The following FOXF1 variants were observed in gnomAD, a reference collection of about 807,000 sequenced individuals.
FOXF1 encodes forkhead box F1.
In FOXF1, 9 loss-of-function variants were observed where a neutral mutation model predicts 26.6. The ratio of observed to expected loss-of-function variants is 0.34; its 90% CI spans 0.20 to 0.59. The LOEUF is 0.59. Ranked by LOEUF, FOXF1 falls within the 20% of genes least tolerant of loss-of-function variation. The pLI is 0.83. For synonymous variants in FOXF1, 330 were observed against 257.7 expected, an observed-to-expected ratio of 1.28 and a Z score of -2.69; for missense variants, 499 against 549.9, an observed-to-expected ratio of 0.91 and a Z score of 0.93.
In FOXF1 at chr16:86,511,331, T is replaced by C. The variant is rs1404508857; in HGVS notation, c.762T>C (p.Gly254=). ...PASPLLPTGA[G]GVMEPHAVYS... ...CCCCGCTGCTGCCCACCGGCGCCGG[T>C]GGGGTCATGGAGCCGCACGCCGTCT... is the stretch of plus-strand genomic sequence containing the variant. The change falls in exon 1 of 2, where the codon GGT becomes GGC. Residue 254 remains glycine (G), a synonymous_variant. Coordinates refer to ENST00000262426, the MANE Select transcript of FOXF1 (RefSeq NM_001451.3). The C allele has an allele frequency of 9.2e-6, 14 of 1,526,304 alleles. No homozygotes were observed. Among genetic ancestry groups the C allele is most frequent in the Non-Finnish European group, 1.1e-5 (13 of 1,145,120 alleles). 94.5% of individuals were successfully genotyped at this position (1,526,304 alleles called of 1,614,324 possible). A position where few individuals can be genotyped will look rare whatever the true frequency, so the allele number is the denominator to read the frequency against.
At position 86,512,906 on chromosome 16, in the gene FOXF1, C is replaced by G. The variant is rs1227140852; in HGVS notation, c.980-19C>G. The G allele has an allele frequency of 2.5e-6, 4 of 1,613,760 alleles. No individual in the cohort carries two copies. The highest frequency in any genetic ancestry group is 3.4e-6 in the Non-Finnish European group (4 of 1,180,010). ...AACTCTTCTGCTCCCCCAACCCCTC[C>G]TGTCGCCTCGCCTTGCAGGCATCCC... On this transcript the variant is annotated intron_variant, in intron 1 of 1. Transcript: ENST00000262426.
At chr16:86,511,995 G>A (rs975258400) in intron 1 of FOXF1, among the ~76,000 whole-genome samples, 1 of 152,234 alleles carries the variant, frequency 6.6e-6, no homozygotes, top group Non-Finnish European at 1.5e-5. Context: ...TGGGCGGAAC[G>A]GAAGGTGTTA....
rs146368585 is a variant in FOXF1 at position 86,512,171 on chromosome 16, C to T, written c.979+623C>T. On this transcript the variant is annotated intron_variant, in intron 1 of 1. Transcript: ENST00000262426. ...AGAGCTGCAGACCGGGCCATGGGGG[C>T]TCCTTGTTTTTTAGGATCCAAGTTT... Among the ~76,000 whole-genome samples the T allele has an allele frequency of 4.4e-3, 664 of 152,330 alleles. 3 individuals carry two copies. The highest frequency in any genetic ancestry group is 0.015 in the African/African-American group (618 of 41,578).
chr16:86,511,850 C>T lies in FOXF1; in HGVS notation c.979+302C>T, dbSNP rs2078304. Among the ~76,000 whole-genome samples, 7,088 of 152,132 alleles carry T rather than the reference C, an allele frequency of 0.047. 274 individuals carry two copies. The highest frequency in any genetic ancestry group is 0.091 in the African/African-American group (3,767 of 41,514). On this transcript the variant is annotated intron_variant, in intron 1 of 1. Coordinates refer to ENST00000262426, the MANE Select transcript of FOXF1 (RefSeq NM_001451.3). ...GTCCCAGACCCCAGTGCCCTAAGTCCTTTTGTGTCCCTTAAGTCCCCTCAC... is the reference window on the plus strand; with the variant it reads ...GTCCCAGACCCCAGTGCCCTAAGTCTTTTTGTGTCCCTTAAGTCCCCTCAC...
In FOXF1 at chr16:86,514,184, T is replaced by C. The variant is rs1224300137; in HGVS notation, c.*1099T>C. ...ATTGTAAATTTGAAACAAAGACCGA[T>C]CTGTGTAAAAACAAATTTCCATATG... On this transcript the variant is annotated 3_prime_UTR_variant, in exon 2 of 2. Coordinates refer to ENST00000262426, the MANE Select transcript of FOXF1 (RefSeq NM_001451.3). 6.6e-6 allele frequency: 1 copy of C among 152,062 alleles called. No individual in the cohort carries two copies. The highest frequency in any genetic ancestry group is 1.9e-4 in the East Asian group (1 of 5,184). The allele number at this position is 152,062 out of a possible 1,614,324, so 9.4% of individuals were successfully genotyped here.
chr16:86,512,905 C>G lies in FOXF1; in HGVS notation c.980-20C>G. ...TAACTCTTCTGCTCCCCCAACCCCTCCTGTCGCCTCGCCTTGCAGGCATCC... is the reference window on the plus strand; with the variant it reads ...TAACTCTTCTGCTCCCCCAACCCCTGCTGTCGCCTCGCCTTGCAGGCATCC... On this transcript the variant is annotated intron_variant, in intron 1 of 1. Coordinates refer to ENST00000262426, the MANE Select transcript of FOXF1 (RefSeq NM_001451.3). The G allele has an allele frequency of 6.2e-7, 1 of 1,613,874 alleles. No individual in the cohort carries two copies. Among genetic ancestry groups the G allele is most frequent in the East Asian group, 2.2e-5 (1 of 44,892 alleles).
In FOXF1 at chr16:86,513,321, A is replaced by G; in HGVS notation, c.*236A>G. The G allele has an allele frequency of 1.8e-6, 1 of 555,628 alleles. No homozygotes were observed. Among genetic ancestry groups the G allele is most frequent in the Non-Finnish European group, 3.2e-6 (1 of 309,770 alleles). 34.4% of individuals were successfully genotyped at this position (555,628 alleles called of 1,614,324 possible). The stretch of plus-strand genomic sequence containing the variant: ...AAATGTTAGTGGTGGGTCTGATCTG[A>G]CTGCAGCCATCGGTAAATAAAAGTT... On this transcript the variant is annotated 3_prime_UTR_variant, in exon 2 of 2. Coordinates refer to ENST00000262426, the MANE Select transcript of FOXF1 (RefSeq NM_001451.3).
intron 1 of FOXF1, 122 bp downstream of exon 1, chr16:86,511,670 C>A: frequency 7.2e-7 from 1 of 1,382,748 alleles, no homozygotes; most frequent in South Asian, 1.2e-5. Flanking sequence ...GGGGAGGCAC[C>A]AGCTCCCCAA....
In FOXF1 at chr16:86,512,957, A is replaced by C. The variant is rs780641501; in HGVS notation, c.1012A>C (p.Met338Leu). ...GCGGTATCACTCGCAGTCGCCCAGC[A>C]TGTGTGACCGAAAGGAGTTTGTCTT... ...IPRYHSQSPS[M>L]CDRKEFVFSF... The change falls in exon 2 of 2, where the codon ATG becomes CTG. Residue 338 changes from methionine (M) to leucine (L), a missense_variant. Met to Leu is a conservative substitution (Grantham distance 15, BLOSUM62 2). Around this residue, in one of 5 missense-constraint regions of FOXF1, gnomAD observed 367 missense variants for 324.8 expected, o/e 1.13. Transcript: ENST00000262426. 23 of 1,614,044 alleles carry C rather than the reference A, an allele frequency of 1.4e-5. No individual in the cohort carries two copies. Among genetic ancestry groups the C allele is most frequent in the Non-Finnish European group, 1.3e-5 (15 of 1,180,042 alleles).
chr16:86,512,951 C>A lies in FOXF1; in HGVS notation c.1006C>A (p.Pro336Thr), dbSNP rs752588336. The change falls in exon 2 of 2, where the codon CCC (proline) becomes ACC (threonine). Residue 336 changes from proline (P) to threonine (T), a missense_variant. Around this residue, in one of 5 missense-constraint regions of FOXF1, gnomAD observed 367 missense variants for 324.8 expected, o/e 1.13. Transcript: ENST00000262426. Reference protein sequence around the residue: ...QGIPRYHSQSPSMCDRKEFVF... With the variant: ...QGIPRYHSQSTSMCDRKEFVF... ...CATCCCGCGGTATCACTCGCAGTCG[C>A]CCAGCATGTGTGACCGAAAGGAGTT... 6.2e-6 allele frequency: 10 copies of A among 1,614,062 alleles called. No homozygotes were observed. Among genetic ancestry groups the A allele is most frequent in the South Asian group, 2.2e-5 (2 of 91,096 alleles).
Position 86,511,067 on chromosome 16 carries a change from C to A in FOXF1, c.498C>A (p.Leu166=). ...SMMNGLGFNH[L]PDTYGFQGSA... is the part of the protein sequence containing the mutation. ...TGAACGGGCTCGGCTTCAACCACCT[C>A]CCGGACACCTACGGCTTCCAGGGCT... Residue 166 remains leucine, a synonymous_variant, in exon 1 of 2, where the codon CTC becomes CTA. Transcript: ENST00000262426. 6.2e-7 allele frequency: 1 copy of A among 1,610,540 alleles called. No individual in the cohort carries two copies. The highest frequency in any genetic ancestry group is 8.5e-7 in the Non-Finnish European group (1 of 1,179,958).
chr16:86,511,575 G>A, intron 1 of FOXF1, 27 bp downstream of exon 1: 2 of 1,562,974 alleles, frequency 1.3e-6, no homozygotes, highest in Non-Finnish European at 1.7e-6. Flanking sequence ...AGGGCGCCCT[G>A]GTCCCCGGGA....
Position 86,510,607 on chromosome 16 carries a change from G to T in FOXF1, c.38G>T (p.Gly13Val), listed in dbSNP as rs1161631447. 4 of 1,229,436 alleles carry T rather than the reference G, an allele frequency of 3.3e-6. No individual in the cohort carries two copies. Among genetic ancestry groups the T allele is most frequent in the Non-Finnish European group, 4.1e-6 (4 of 976,784 alleles). 76.2% of individuals were successfully genotyped at this position (1,229,436 alleles called of 1,614,324 possible). A position where few individuals can be genotyped will look rare whatever the true frequency, so the allele number is the denominator to read the frequency against. ...SAPEKQQPPHGGGGGGGGGGG... is the reference protein window; with the variant it reads ...SAPEKQQPPHVGGGGGGGGGG... ...CCCGAGAAGCAGCAGCCACCGCACG[G>T]CGGCGGCGGCGGCGGCGGCGGGGGA... Residue 13 changes from glycine to valine, a missense_variant, in exon 1 of 2, where the codon GGC becomes GTC. Transcript: ENST00000262426.
At position 86,511,241 on chromosome 16, in the gene FOXF1, C is replaced by T; in HGVS notation, c.672C>T (p.Tyr224=). 2.0e-6 allele frequency: 3 copies of T among 1,527,346 alleles called. No homozygotes were observed. Among genetic ancestry groups the T allele is most frequent in the Non-Finnish European group, 2.6e-6 (3 of 1,143,294 alleles). The allele number at this position is 1,527,346 out of a possible 1,614,324, so 94.6% of individuals were successfully genotyped here. The stretch of plus-strand genomic sequence containing the variant: ...TGCCTTCCAACGGCGGCCACTCGTA[C>T]ATGGGCGGCTGCGGCGGCGCGGCGG... The part of the protein sequence containing the change: ...PHLPSNGGHS[Y]MGGCGGAAAG... Residue 224 remains tyrosine, a synonymous_variant, in exon 1 of 2, where the codon TAC becomes TAT. Transcript: ENST00000262426.
At chr16:86,512,837 A>G in intron 1 of FOXF1, 88 bp from the exon 2 acceptor site, 1 of 1,507,214 alleles carries the variant, frequency 6.6e-7, no homozygotes, top group Non-Finnish European at 9.2e-7. Context: ...TGTGCGCCCC[A>G]CGGGAGCACT....
chr16:86,510,591 C>A lies in FOXF1; in HGVS notation c.22C>A (p.Gln8Lys). Residue 8 changes from glutamine to lysine, a missense_variant, in exon 1 of 2, where the codon CAG (glutamine) becomes AAG (lysine). Gln to Lys is a moderately conservative substitution (Grantham distance 53, BLOSUM62 1). This residue lies in a region of FOXF1 where 76 missense variants were observed against 78.9 expected (regional missense o/e 0.96). Transcript: ENST00000262426. ...CCCGATGTCTTCGGCGCCCGAGAAG[C>A]AGCAGCCACCGCACGGCGGCGGCGG... is the stretch of plus-strand genomic sequence containing the variant. MSSAPEK[Q>K]QPPHGGGGGG... The A allele has an allele frequency of 7.2e-7, 1 of 1,382,936 alleles. No homozygotes were observed. The highest frequency in any genetic ancestry group is 9.3e-7 in the Non-Finnish European group (1 of 1,076,714). The allele number at this position is 1,382,936 out of a possible 1,614,324, so 85.7% of individuals were successfully genotyped here. A position where few individuals can be genotyped will look rare whatever the true frequency, so the allele number is the denominator to read the frequency against.
Position 86,513,202 on chromosome 16 carries a change from T to A in FOXF1, c.*117T>A. 1 of 1,143,568 alleles carries A rather than the reference T, an allele frequency of 8.7e-7. No homozygotes were observed. The highest frequency in any genetic ancestry group is 1.2e-6 in the Non-Finnish European group (1 of 800,554). The allele number at this position is 1,143,568 out of a possible 1,614,324, so 70.8% of individuals were successfully genotyped here. A position where few individuals can be genotyped will look rare whatever the true frequency, so the allele number is the denominator to read the frequency against. ...GTCGGCAGAAGAAAAGGGTTCCACC[T>A]CTCCCCAACCGGAGTTTTTGGCAAG... is the stretch of plus-strand genomic sequence containing the variant. On this transcript the variant is annotated 3_prime_UTR_variant, in exon 2 of 2. Coordinates refer to ENST00000262426, the MANE Select transcript of FOXF1 (RefSeq NM_001451.3).
At position 86,513,107 on chromosome 16, in the gene FOXF1, T is replaced by C. The variant is rs1597292637; in HGVS notation, c.*22T>C. On this transcript the variant is annotated 3_prime_UTR_variant, in exon 2 of 2. Coordinates refer to ENST00000262426, the MANE Select transcript of FOXF1 (RefSeq NM_001451.3). ...GTGAGGCTGCCGCCGCAGGCCCTCC[T>C]GGTGCAGGCAGGCGGGTCACAGGGA... The C allele has an allele frequency of 1.2e-6, 2 of 1,607,998 alleles. No individual in the cohort carries two copies. The highest frequency in any genetic ancestry group is 1.7e-6 in the Non-Finnish European group (2 of 1,179,648).
At chr16:86,512,844 C>G in intron 1 of FOXF1, 81 bp from the exon 2 acceptor site, 2 of 1,547,872 alleles carry the variant, frequency 1.3e-6, no homozygotes, top group Non-Finnish European at 1.8e-6. Flanking sequence ...CCCACGGGAG[C>G]ACTGCTCCTC....
Sources: gnomAD v4.1 joint callset for allele counts (sites outside exome capture counted in the v4.1 genomes callset) on GRCh38, gnomAD v4.1.1 for gene constraint, gnomAD v4.1.1 regional missense constraint, MANE v1.5 for transcripts, NCBI Gene and HGNC (gene_info 2026-07-23, HGNC 2026-07-21) for gene names.